The following GALNTL5 variants were observed in gnomAD, a reference collection of about 807,000 sequenced individuals.
GALNTL5 encodes the protein inactive polypeptide N-acetylgalactosaminyltransferase-like protein 5.
GALNTL5 carries 44 observed loss-of-function variants against 51.0 expected under a neutral mutation model. The observed-to-expected ratio is 0.86, with a 90% CI of 0.68 to 1.11. The LOEUF is 1.11. Ranked by LOEUF, GALNTL5 falls within the 50% of genes least tolerant of loss-of-function variation. GALNTL5 has a pLI of 0.00. For missense variants in GALNTL5, 528 were observed against 531.8 expected, an observed-to-expected ratio of 0.99 and a Z score of 0.07; for synonymous variants, 192 against 182.8, an observed-to-expected ratio of 1.05 and a Z score of -0.41.
At chr7:151,980,067 C>T (rs1036807858) in intron 3 of GALNTL5, among the ~76,000 whole-genome samples, 2 of 152,074 alleles carry the variant, frequency 1.3e-5, no homozygotes, top group African/African-American at 4.8e-5. Flanking sequence ...TACTTTCTGT[C>T]TCTCAACTCA....
chr7:151,959,915 C>G (rs2080971511), intron 1 of GALNTL5, among the ~76,000 whole-genome samples: 1 of 152,114 alleles, frequency 6.6e-6, no homozygotes, highest in Non-Finnish European at 1.5e-5. Context: ...TTCCAGGTCT[C>G]TGGCGTGTCT....
intron 4 of GALNTL5, among the ~76,000 whole-genome samples, chr7:151,984,548 T>G (rs1224198311): frequency 6.6e-6 from 1 of 152,060 alleles, no homozygotes; most frequent in Non-Finnish European, 1.5e-5. Flanking sequence ...GTGGTGGAAA[T>G]GTAGATGTTG....
intron 1 of GALNTL5, among the ~76,000 whole-genome samples, chr7:151,963,233 C>T (rs1033644711): frequency 2.6e-5 from 4 of 152,130 alleles, no homozygotes; most frequent in Admixed American, 6.5e-5. Context: ...TTGACAATTT[C>T]CTCTCCATTT....
intron 5 of GALNTL5, among the ~76,000 whole-genome samples, chr7:151,998,898 T>A (rs76442071): frequency 0.02 from 3,017 of 152,258 alleles, 97 homozygotes; most frequent in African/African-American, 0.063. Context: ...CCAGATTTTT[T>A]AAAATTGAGG....
chr7:152,009,060 C>T (rs916134125), intron 7 of GALNTL5, among the ~76,000 whole-genome samples: 1 of 152,260 alleles, frequency 6.6e-6, no homozygotes, highest in African/African-American at 2.4e-5. Flanking sequence ...ATTTCAATGG[C>T]GCCTTTCCTG....
rs745402637 is a variant in GALNTL5, at chr7:152,019,761, A to T, written c.1292A>T (p.Asn431Ile). The change falls in exon 9 of 9, where the codon AAT becomes ATT. Residue 431 changes from asparagine (N) to isoleucine (I), a missense_variant. Physicochemically the swap from Asn to Ile is moderately radical, Grantham distance 149. Transcript: ENST00000392800. ...AAGTCATTTCAGTGGTATTTGGATA[A>T]TGTCTTCCCAGAGTTGGAGGCATCT... ...GCKSFQWYLD[N>I]VFPELEASVN... is the part of the protein sequence containing the mutation. 1.2e-6 allele frequency: 2 copies of T among 1,613,884 alleles called. No homozygotes were observed. Among genetic ancestry groups the T allele is most frequent in the East Asian group, 4.5e-5 (2 of 44,874 alleles).
At chr7:152,011,474 C>G (rs1387995867) in intron 7 of GALNTL5, among the ~76,000 whole-genome samples, 1 of 152,262 alleles carries the variant, frequency 6.6e-6, no homozygotes, top group Non-Finnish European at 1.5e-5. Flanking sequence ...GCAGTCCATC[C>G]TGCCATCCCC....
chr7:152,012,140 A>G (rs1313624629), intron 7 of GALNTL5, among the ~76,000 whole-genome samples: 1 of 152,226 alleles, frequency 6.6e-6, no homozygotes, highest in Admixed American at 6.5e-5. Context: ...CTCTGCATGC[A>G]TGATGTGTGC....
At chr7:152,012,306 G>T (rs2151961112) in intron 7 of GALNTL5, among the ~76,000 whole-genome samples, 1 of 152,334 alleles carries the variant, frequency 6.6e-6, no homozygotes, top group African/African-American at 2.4e-5. Context: ...CAGCTAAGTG[G>T]ATGGAGGTCT....
rs1391173454 is a variant in GALNTL5, at chr7:152,019,847, A to G, written c.*46A>G. On this transcript the variant is annotated 3_prime_UTR_variant, in exon 9 of 9. Transcript: ENST00000392800. ...ATTAATAAAGGGTTAAAAGTCTCCT[A>G]GTCATTCAACATAGTGTCACAAGAG... is the stretch of plus-strand genomic sequence containing the variant. 1 of 1,520,272 alleles carries G rather than the reference A, an allele frequency of 6.6e-7. No homozygotes were observed. The highest frequency in any genetic ancestry group is 9.0e-7 in the Non-Finnish European group (1 of 1,109,316). The allele number at this position is 1,520,272 out of a possible 1,614,324, so 94.2% of individuals were successfully genotyped here. A position where few individuals can be genotyped will look rare whatever the true frequency, so the allele number is the denominator to read the frequency against.
intron 1 of GALNTL5, among the ~76,000 whole-genome samples, chr7:151,962,534 C>G (rs2081005311): frequency 1.3e-5 from 2 of 149,882 alleles, no homozygotes; most frequent in Non-Finnish European, 3.0e-5. Flanking sequence ...TGTCATCCAC[C>G]TAAACTTCTC....
intron 3 of GALNTL5, among the ~76,000 whole-genome samples, chr7:151,980,892 C>G (rs899273934): frequency 6.7e-6 from 1 of 149,826 alleles, no homozygotes; most frequent in Non-Finnish European, 1.5e-5. Flanking sequence ...ACTACAGGCA[C>G]CCGCCACTGC....
In GALNTL5 at chr7:151,971,028, G is replaced by A. The variant is rs774442696; in HGVS notation, c.331G>A (p.Gly111Ser). Residue 111 changes from glycine to serine, a missense_variant, in exon 3 of 9, where the codon GGC becomes AGC. By Grantham distance (56) the Gly-to-Ser change is moderately conservative (BLOSUM62 0). Coordinates refer to ENST00000392800, the MANE Select transcript of GALNTL5 (RefSeq NM_145292.4). Reference protein sequence around the residue: ...GFNVIISRSLGIEREVPDTRS... With the variant: ...GFNVIISRSLSIEREVPDTRS... Reference sequence around the variant, plus strand: ...TAATGTGATTATCAGTAGAAGCTTGGGCATCGAAAGAGAAGTGCCAGATAC... The same window carrying A: ...TAATGTGATTATCAGTAGAAGCTTGAGCATCGAAAGAGAAGTGCCAGATAC... The A allele has an allele frequency of 8.7e-6, 14 of 1,611,358 alleles. No homozygotes were observed. Among genetic ancestry groups the A allele is most frequent in the Non-Finnish European group, 1.1e-5 (13 of 1,178,214 alleles).
chr7:151,970,623 T>C, intron 2 of GALNTL5: 1 of 227,890 alleles, frequency 4.4e-6, no homozygotes, highest in Non-Finnish European at 8.7e-6. Context: ...CCTGTTTCCC[T>C]TTTACCTCCT....
At chr7:152,015,907 C>A (rs1219513669) in intron 8 of GALNTL5, among the ~76,000 whole-genome samples, 1 of 152,196 alleles carries the variant, frequency 6.6e-6, no homozygotes, top group African/African-American at 2.4e-5. Flanking sequence ...AGCAAAATCT[C>A]ATTTCAGATG....
chr7:151,998,027 C>T (rs2081521676), intron 5 of GALNTL5, among the ~76,000 whole-genome samples: 1 of 151,960 alleles, frequency 6.6e-6, no homozygotes, highest in Non-Finnish European at 1.5e-5. Flanking sequence ...CACAGTGAGA[C>T]ACCATCTCTA....
chr7:151,988,681 G>A (rs1919524), intron 5 of GALNTL5, among the ~76,000 whole-genome samples: 148,554 of 151,520 alleles, frequency 0.98, 72,891 homozygotes, highest in East Asian at 1. Context: ...ATGCACGTGT[G>A]TATACACAGG....
At chr7:151,969,334 A>T (rs2151939900) in intron 2 of GALNTL5, among the ~76,000 whole-genome samples, 1 of 152,286 alleles carries the variant, frequency 6.6e-6, no homozygotes, top group South Asian at 2.1e-4. Context: ...ATCTATTTCG[A>T]GTTAATTTTT....
chr7:151,990,165 C>G (rs2081409300), intron 5 of GALNTL5, among the ~76,000 whole-genome samples: 1 of 151,900 alleles, frequency 6.6e-6, no homozygotes, highest in Non-Finnish European at 1.5e-5. Context: ...GCCTCAGCCT[C>G]CTGAGTAGCT....
Sources: gnomAD v4.1 joint callset for allele counts (sites outside exome capture counted in the v4.1 genomes callset) on GRCh38, gnomAD v4.1.1 for gene constraint, MANE v1.5 for transcripts, NCBI Gene and HGNC (gene_info 2026-07-23, HGNC 2026-07-21) for gene names.